OPA1: variants seen among roughly 807,000 people sequenced by gnomAD.
OPA1 encodes dynamin-like GTPase OPA1, mitochondrial.
Under a neutral mutation model 152.9 loss-of-function variants are expected in OPA1, and 59 were observed. The ratio of observed to expected loss-of-function variants is 0.39; its 90% CI spans 0.31 to 0.48. The LOEUF is 0.48. Among genes scored for constraint, OPA1 ranks in the 20% least tolerant of loss-of-function variants. The pLI, the probability that OPA1 is intolerant of heterozygous loss-of-function variation, is 0.96. For missense variants in OPA1, 1,008 were observed against 1,216.8 expected (o/e 0.83, Z 2.55); for synonymous variants, 400 against 389.9 (o/e 1.03, Z -0.31).
chr3:193,658,917 C>G lies in OPA1; in HGVS notation c.2362C>G (p.Arg788Gly). 1.2e-6 allele frequency: 2 copies of G among 1,613,724 alleles called. No individual in the cohort carries two copies. Among genetic ancestry groups the G allele is most frequent in the Non-Finnish European group, 1.7e-6 (2 of 1,179,754 alleles). ...TATTCAACACAATGCTTTGGAAGAC[C>G]GATCCATATCTGATAAACAGCAATG... is the stretch of plus-strand genomic sequence containing the variant. ...RVIQHNALED[R>G]SISDKQQWDA... Residue 788 changes from arginine to glycine, a missense_variant, in exon 24 of 31, where the codon CGA becomes GGA. Arg to Gly is a moderately radical substitution (Grantham distance 125). Coordinates refer to ENST00000361510, the MANE Select transcript of OPA1 (RefSeq NM_130837.3).
At chr3:193,688,409 A>AACTGTTTT (rs1314619521) in intron 29 of OPA1, among the ~76,000 whole-genome samples, 1 of 136,730 alleles carries the variant, frequency 7.3e-6, no homozygotes, top group East Asian at 2.4e-4. Context: ...TAGGAGGTGT[A>AACTGTTTT]ACTGTTTTGT....
chr3:193,665,399 CTGTG>C (rs1003856006), intron 27 of OPA1, among the ~76,000 whole-genome samples: 1 of 151,818 alleles, frequency 6.6e-6, no homozygotes, highest in African/African-American at 2.4e-5. Context: ...GTGTGTGTAT[CTGTG>C]TGTGTAACAT....
At chr3:193,643,724 A>G in intron 15 of OPA1, 97 bp downstream of exon 15, 1 of 1,118,734 alleles carries the variant, frequency 8.9e-7, no homozygotes, top group Non-Finnish European at 1.3e-6. Context: ...AACATACAAG[A>G]TAAATGCATT....
chr3:193,671,372 G>T (rs1203906819), intron 29 of OPA1, among the ~76,000 whole-genome samples: 2 of 151,946 alleles, frequency 1.3e-5, no homozygotes, highest in African/African-American at 4.8e-5. Flanking sequence ...TTAGAGCACA[G>T]TCTGCAAAAT....
chr3:193,667,483 A>G (rs1299563212), intron 29 of OPA1: 2 of 588,980 alleles, frequency 3.4e-6, no homozygotes, highest in Non-Finnish European at 6.4e-6. Flanking sequence ...ATCCTGGCTA[A>G]CACAGTGAAA....
At chr3:193,630,763 G>A (rs1374908495) in intron 7 of OPA1, among the ~76,000 whole-genome samples, 1 of 152,138 alleles carries the variant, frequency 6.6e-6, no homozygotes, top group East Asian at 1.9e-4. Context: ...GCACAGTTAT[G>A]TGAATTCATC....
At position 193,643,462 on chromosome 3, in the gene OPA1, A is replaced by G. The variant is rs575087238; in HGVS notation, c.1377+18A>G. On this transcript the variant is annotated intron_variant, in intron 14 of 30. Coordinates refer to ENST00000361510, the MANE Select transcript of OPA1 (RefSeq NM_130837.3). ...TGATTAATGTAAGTATATACAAAAC[A>G]TGTATTTTATTTTATTCTTATTGTG... The G allele has an allele frequency of 6.2e-7, 1 of 1,606,748 alleles. No individual in the cohort carries two copies. The highest frequency in any genetic ancestry group is 8.5e-7 in the Non-Finnish European group (1 of 1,173,374).
At chr3:193,621,997 CATTTT>C (rs1018066169) in intron 6 of OPA1, among the ~76,000 whole-genome samples, 42 of 152,190 alleles carry the variant, frequency 2.8e-4, no homozygotes, top group Admixed American at 1.3e-4. Flanking sequence ...CAAAATGAGA[CATTTT>C]ATTTTCTGTG....
At chr3:193,691,971 A>T in intron 29 of OPA1, 92 bp from the exon 30 acceptor site, 1 of 749,780 alleles carries the variant, frequency 1.3e-6, no homozygotes, top group Non-Finnish European at 2.3e-6. Context: ...TCCCGCAAAT[A>T]GTTAAGTATA....
rs534307571 is a variant in OPA1, at chr3:193,641,653, T to C, written c.1150-1112T>C. On this transcript the variant is annotated intron_variant, in intron 11 of 30. Coordinates refer to ENST00000361510, the MANE Select transcript of OPA1 (RefSeq NM_130837.3). ...AGCAAATCCTCTGATGGAAAATAGC[T>C]AAACAGCTTTCCAACAGCTGTTTAT... Among the ~76,000 whole-genome samples, 9 of 152,376 alleles carry C rather than the reference T, an allele frequency of 5.9e-5. 1 individual carries two copies. In the Middle Eastern group the frequency reaches 0.01, roughly 173 times the overall value.
intron 11 of OPA1, among the ~76,000 whole-genome samples, chr3:193,641,577 T>A (rs989747873): frequency 1.3e-5 from 2 of 152,236 alleles, no homozygotes; most frequent in African/African-American, 4.8e-5. Context: ...CCAGTGAAAC[T>A]GCTACACATT....
At chr3:193,639,768 A>G (rs2109023194) in intron 11 of OPA1, among the ~76,000 whole-genome samples, 1 of 152,386 alleles carries the variant, frequency 6.6e-6, no homozygotes, top group South Asian at 2.1e-4. Flanking sequence ...CAAGATGTAG[A>G]ACCAGGGAGT....
At chr3:193,650,476 G>C (rs1191302758) in intron 21 of OPA1, among the ~76,000 whole-genome samples, 2 of 152,148 alleles carry the variant, frequency 1.3e-5, no homozygotes, top group African/African-American at 4.8e-5. Context: ...TGACATAGTT[G>C]ATGTTGTCTT....
rs1444059722 is a variant in OPA1 at position 193,611,037 on chromosome 3, A to G, written c.33-3686A>G. On this transcript the variant is annotated intron_variant, in intron 1 of 30. Coordinates refer to ENST00000361510, the MANE Select transcript of OPA1 (RefSeq NM_130837.3). ...GGCTCATGCTCGGTGCGCTGCACCC[A>G]CTGTCCTGCACCCACTGTCTGACAA... Among the ~76,000 whole-genome samples the G allele has an allele frequency of 2.0e-5, 3 of 152,212 alleles. No homozygotes were observed. The East Asian group carries it at 5.8e-4, about 30-fold the overall frequency.
Position 193,697,221 on chromosome 3 carries a change from T to A in OPA1, c.*2621T>A, listed in dbSNP as rs1722327200. On this transcript the variant is annotated 3_prime_UTR_variant, in exon 31 of 31. Coordinates refer to ENST00000361510, the MANE Select transcript of OPA1 (RefSeq NM_130837.3). ...TGTATCTGAGGAAAGAAATCTGGTATTTTTGCTTTCCAATAAAGGGGATCA... is the reference window on the plus strand; with the variant it reads ...TGTATCTGAGGAAAGAAATCTGGTAATTTTGCTTTCCAATAAAGGGGATCA... The A allele has an allele frequency of 2.0e-5, 3 of 152,244 alleles. No individual in the cohort carries two copies. The highest frequency in any genetic ancestry group is 1.3e-4 in the Admixed American group (2 of 15,292). 9.4% of individuals were successfully genotyped at this position (152,244 alleles called of 1,614,324 possible).
chr3:193,632,745 C>A (rs896816200), intron 8 of OPA1, among the ~76,000 whole-genome samples: 1 of 152,028 alleles, frequency 6.6e-6, no homozygotes. Context: ...GGTGGTTGTG[C>A]CTGTAGTCCC....
rs9832709 is a variant in OPA1 at position 193,618,636 on chromosome 3, T to C, written c.611-233T>C. On this transcript the variant is annotated intron_variant, in intron 5 of 30. Transcript: ENST00000361510. ...TTTATTGTAATTTTCAGTTATATAT[T>C]TTTAATTGTTAGGTTAAACATATGC... The C allele has an allele frequency of 0.42, 205,929 of 494,746 alleles. 44,110 individuals carry two copies. The highest frequency in any genetic ancestry group is 0.43 in the Non-Finnish European group (118,734 of 278,788). The allele number at this position is 494,746 out of a possible 1,614,324, so 30.6% of individuals were successfully genotyped here.
intron 25 of OPA1, among the ~76,000 whole-genome samples, chr3:193,661,335 A>C (rs1328730246): frequency 6.6e-6 from 1 of 152,088 alleles, no homozygotes; most frequent in Non-Finnish European, 1.5e-5. Context: ...TCACCCGGGG[A>C]GGTGTTTATA....
rs777722283 is a variant in OPA1, at chr3:193,659,606, T to C, written c.2520+45T>C. 7 of 1,493,328 alleles carry C rather than the reference T, an allele frequency of 4.7e-6. No homozygotes were observed. The African/African-American group carries it at 9.7e-5, about 21-fold the overall frequency. 92.5% of individuals were successfully genotyped at this position (1,493,328 alleles called of 1,614,324 possible). A position where few individuals can be genotyped will look rare whatever the true frequency, so the allele number is the denominator to read the frequency against. On this transcript the variant is annotated intron_variant, in intron 25 of 30. Transcript: ENST00000361510. ...TAGTCTTATGATGATATAATTTTGT[T>C]CATTTTAATTCAGGCATTAAAATAT...
Sources: gnomAD v4.1 joint callset for allele counts (sites outside exome capture counted in the v4.1 genomes callset) on GRCh38, gnomAD v4.1.1 for gene constraint, MANE v1.5 for transcripts, NCBI Gene and HGNC (gene_info 2026-07-23, HGNC 2026-07-21) for gene names.